Variants in RALGPS1 observed in about 807,000 individuals in gnomAD.
The protein encoded by RALGPS1 is ras-specific guanine nucleotide-releasing factor RalGPS1.
RALGPS1 carries 19 observed loss-of-function variants against 78.8 expected under a neutral mutation model. The observed-to-expected ratio is 0.24, with a 90% CI of 0.17 to 0.35. The LOEUF is 0.35. Among genes scored for constraint, RALGPS1 ranks in the 10% least tolerant of loss-of-function variants. RALGPS1 has a pLI of 1.00. For missense variants in RALGPS1, 454 were observed against 688.3 expected, an observed-to-expected ratio of 0.66 and a Z score of 3.81; for synonymous variants, 228 against 256.3, an observed-to-expected ratio of 0.89 and a Z score of 1.06.
At chr9:127,038,094 T>C (rs2047008408) in intron 5 of RALGPS1, among the ~76,000 whole-genome samples, 1 of 152,244 alleles carries the variant, frequency 6.6e-6, no homozygotes, top group Non-Finnish European at 1.5e-5. Flanking sequence ...ATTCTGTTGA[T>C]ACCTTGTCAC....
At chr9:127,007,206 A>G (rs1160800422) in intron 4 of RALGPS1, among the ~76,000 whole-genome samples, 5 of 152,170 alleles carry the variant, frequency 3.3e-5, no homozygotes, top group Non-Finnish European at 4.4e-5. Context: ...ATTGAGTATA[A>G]AGTTGCTGTA....
chr9:127,213,040 C>T lies in RALGPS1; in HGVS notation c.1543C>T (p.Pro515Ser). 1 of 1,614,224 alleles carries T rather than the reference C, an allele frequency of 6.2e-7. No homozygotes were observed. The highest frequency in any genetic ancestry group is 8.5e-7 in the Non-Finnish European group (1 of 1,180,034). ...EHPDIFQLNN[P>S]DKGNVYKFQT... is the part of the protein sequence containing the mutation. ...CCCAGATATCTTCCAGCTGAACAAC[C>T]CTGACAAAGGTAGGCAGCAGGCCAG... Residue 515 changes from proline (P) to serine (S), a missense_variant, in exon 17 of 19, where the codon CCT becomes TCT. Transcript: ENST00000259351.
intron 4 of RALGPS1, among the ~76,000 whole-genome samples, chr9:127,024,727 G>A (rs1442146751): frequency 6.6e-6 from 1 of 151,834 alleles, no homozygotes; most frequent in Non-Finnish European, 1.5e-5. Context: ...CTTGATACTG[G>A]GTATGTATTA....
intron 1 of RALGPS1, among the ~76,000 whole-genome samples, chr9:126,945,350 C>T (rs2037160844): frequency 6.6e-6 from 1 of 152,134 alleles, no homozygotes; most frequent in Non-Finnish European, 1.5e-5. Flanking sequence ...AGGCACTCAC[C>T]ACTACACCCA....
At chr9:127,108,459 C>T in intron 8 of RALGPS1, 1 of 1,611,686 alleles carries the variant, frequency 6.2e-7, no homozygotes, top group Middle Eastern at 1.7e-4. Context: ...CATTGTTGAG[C>T]AGCTCTAGCT....
chr9:126,941,627 T>G (rs1259723969), intron 1 of RALGPS1, among the ~76,000 whole-genome samples: 1 of 152,208 alleles, frequency 6.6e-6, no homozygotes, highest in Non-Finnish European at 1.5e-5. Context: ...CTGGGGGTTT[T>G]GGGTTTTTTC....
At chr9:127,215,628 T>G (rs1299853650) in intron 18 of RALGPS1, among the ~76,000 whole-genome samples, 2 of 152,190 alleles carry the variant, frequency 1.3e-5, no homozygotes, top group Non-Finnish European at 2.9e-5. Context: ...TTGTTGCCCC[T>G]GAGCCCTCCT....
chr9:127,086,957 C>T (rs2051824879), intron 8 of RALGPS1, among the ~76,000 whole-genome samples: 1 of 152,124 alleles, frequency 6.6e-6, no homozygotes, highest in African/African-American at 2.4e-5. Context: ...GATGGATTGT[C>T]CTTGGCAGGG....
rs912568255 is a variant in RALGPS1 at position 127,218,521 on chromosome 9, G to C, written c.1645-219G>C. Among the ~76,000 whole-genome samples, 5 of 152,196 alleles carry C rather than the reference G, an allele frequency of 3.3e-5. No individual in the cohort carries two copies. The highest frequency in any genetic ancestry group is 4.8e-5 in the African/African-American group (2 of 41,438). On this transcript the variant is annotated intron_variant, in intron 18 of 18. Transcript: ENST00000259351. This position sits in a 1 kb window ranked among gnomAD's most constrained non-coding sequence, Gnocchi z 4.4. ...TGCCTGCCCCAGGGGTTGAAGTGAG[G>C]ACTCAAGAACGCAGTGCATGCGGTG... is the stretch of plus-strand genomic sequence containing the variant.
Position 127,053,084 on chromosome 9 carries a change from T to A in RALGPS1, c.483+145T>A, listed in dbSNP as rs1041689406. The A allele has an allele frequency of 9.4e-6, 6 of 638,724 alleles. No homozygotes were observed. In the African/African-American group the frequency reaches 1.1e-4, roughly 12 times the overall value. 39.6% of individuals were successfully genotyped at this position (638,724 alleles called of 1,614,324 possible). ...TGAGTTGATGACAGTTCTGTAGGCA[T>A]CCTCACTCCGTCAGTGACCCCAGCC... is the stretch of plus-strand genomic sequence containing the variant. On this transcript the variant is annotated intron_variant, in intron 7 of 18. Coordinates refer to ENST00000259351, the MANE Select transcript of RALGPS1 (RefSeq NM_014636.3).
intron 11 of RALGPS1, among the ~76,000 whole-genome samples, chr9:127,182,434 CTTTT>C (rs758462743): frequency 6.1e-5 from 7 of 114,780 alleles, no homozygotes; most frequent in Non-Finnish European, 8.8e-5. Context: ...TCCTTCCTTC[CTTTT>C]TTTTTTTTTT....
intron 1 of RALGPS1, among the ~76,000 whole-genome samples, chr9:126,930,622 T>C (rs1213095684): frequency 6.6e-6 from 1 of 152,000 alleles, no homozygotes; most frequent in Non-Finnish European, 1.5e-5. Context: ...AAAAAAATAT[T>C]TTTAGTAGAG....
At chr9:127,166,347 C>G (rs1378507754) in intron 9 of RALGPS1, 141 bp downstream of exon 9, 7 of 983,632 alleles carry the variant, frequency 7.1e-6, no homozygotes, top group African/African-American at 1.6e-5. Flanking sequence ...GTACTAGATC[C>G]TTTTATACAT....
intron 7 of RALGPS1, among the ~76,000 whole-genome samples, chr9:127,053,511 G>A (rs1462565322): frequency 2.6e-5 from 4 of 152,108 alleles, no homozygotes; most frequent in Non-Finnish European, 5.9e-5. Flanking sequence ...ATGCTCCTTC[G>A]CTTGGCATAG....
intron 14 of RALGPS1, among the ~76,000 whole-genome samples, chr9:127,209,691 A>G (rs1287708488): frequency 6.6e-6 from 1 of 152,158 alleles, no homozygotes; most frequent in Non-Finnish European, 1.5e-5. Context: ...GCCCCTGGAC[A>G]GTGGACCCGA....
In RALGPS1 at chr9:126,979,241, A is replaced by ATG. The variant is rs57264470; in HGVS notation, c.216+1529_216+1530dup. 8.8e-3 allele frequency among the ~76,000 whole-genome samples: 1,294 copies of ATG among 146,762 alleles called. 9 individuals carry two copies. The highest frequency in any genetic ancestry group is 0.017 in the Admixed American group (247 of 14,780). The stretch of plus-strand genomic sequence containing the variant: ...CAGTTATTTGTATTATTGTATTATT[A>ATG]TGTGTGTGTGTGTGTGTGTGTGTGT... On this transcript the variant is annotated intron_variant, in intron 4 of 18. Transcript: ENST00000259351.
chr9:127,166,778 C>A lies in RALGPS1; in HGVS notation c.748+572C>A, dbSNP rs1217932728. Among the ~76,000 whole-genome samples, 3 of 152,246 alleles carry A rather than the reference C, an allele frequency of 2.0e-5. No homozygotes were observed. The East Asian group carries it at 5.8e-4, about 29-fold the overall frequency. ...GGGAAATGATGTGGTAAGCGACTGG[C>A]CACACTCTGCTGCACGTGGCCAAAT... On this transcript the variant is annotated intron_variant, in intron 9 of 18. Coordinates refer to ENST00000259351, the MANE Select transcript of RALGPS1 (RefSeq NM_014636.3).
intron 8 of RALGPS1, among the ~76,000 whole-genome samples, chr9:127,112,035 CCACCT>C (rs1261258905): frequency 6.6e-6 from 1 of 152,224 alleles, no homozygotes; most frequent in East Asian, 1.9e-4. Context: ...GGTCTGGGCT[CCACCT>C]TGGACCAGCC....
At chr9:127,121,391 G>A (rs932211635) in intron 8 of RALGPS1, among the ~76,000 whole-genome samples, 1 of 152,208 alleles carries the variant, frequency 6.6e-6, no homozygotes, top group Admixed American at 6.5e-5. Flanking sequence ...AATACATGTG[G>A]GGAGCATTTG....
Sources: allele counts gnomAD v4.1 joint callset (sites outside exome capture counted in the v4.1 genomes callset), GRCh38; gene constraint gnomAD v4.1.1; non-coding constraint Gnocchi (gnomAD v3.1); transcripts MANE v1.5; gene names NCBI Gene and HGNC (gene_info 2026-07-23, HGNC 2026-07-21).